The following PIK3C2G variants were observed in gnomAD, a reference collection of about 807,000 sequenced individuals.
The protein encoded by PIK3C2G is phosphatidylinositol 3-kinase C2 domain-containing subunit gamma.
PIK3C2G carries 168 observed loss-of-function variants against 181.1 expected under a neutral mutation model. The observed-to-expected ratio is 0.93, with a 90% CI of 0.82 to 1.05. The LOEUF is 1.05. Among genes scored for constraint, PIK3C2G ranks in the 50% least tolerant of loss-of-function variants. The pLI is 0.00. For missense variants in PIK3C2G, 1,869 were observed against 1,732.8 expected, an observed-to-expected ratio of 1.08 and a Z score of -1.40; for synonymous variants, 573 against 592.2, an observed-to-expected ratio of 0.97 and a Z score of 0.47.
At chr12:18,440,716 GA>G (rs1946702893) in intron 18 of PIK3C2G, among the ~76,000 whole-genome samples, 1 of 151,974 alleles carries the variant, frequency 6.6e-6, no homozygotes, top group African/African-American at 2.4e-5. Flanking sequence ...GTTACAGGGG[GA>G]AAGAGTAGGG....
chr12:18,711,283 G>A, the PIK3C2G span, among the ~76,000 whole-genome samples: 6 of 146,770 alleles, frequency 4.1e-5, no homozygotes, highest in African/African-American at 1.3e-4. Context: ...CTATCGCAAG[G>A]ACAAAAAACC....
At chr12:18,626,498 C>T (rs1181563041) in intron 31 of PIK3C2G, among the ~76,000 whole-genome samples, 2 of 151,906 alleles carry the variant, frequency 1.3e-5, no homozygotes, top group African/African-American at 2.4e-5. Flanking sequence ...ATTATTTATA[C>T]CATTAGATTT....
At chr12:18,274,891 T>C (rs1948916654) in intron 1 of PIK3C2G, among the ~76,000 whole-genome samples, 1 of 152,218 alleles carries the variant, frequency 6.6e-6, no homozygotes, top group Admixed American at 6.5e-5. Context: ...CAGATAGCCA[T>C]ATTAAACTGT....
At chr12:18,690,791 G>A in the PIK3C2G span, among the ~76,000 whole-genome samples, 12 of 152,204 alleles carry the variant, frequency 7.9e-5, 1 homozygote, top group African/African-American at 2.6e-4. Flanking sequence ...AAGAGCCTAC[G>A]CAATTCGTGG....
At chr12:18,499,080 A>G (rs1214854114) in intron 22 of PIK3C2G, among the ~76,000 whole-genome samples, 1 of 152,206 alleles carries the variant, frequency 6.6e-6, no homozygotes, top group African/African-American at 2.4e-5. Flanking sequence ...TCTCATTTCT[A>G]TTTATAATCA....
chr12:18,406,601 G>A (rs974690958), intron 16 of PIK3C2G, among the ~76,000 whole-genome samples: 2 of 152,120 alleles, frequency 1.3e-5, no homozygotes, highest in African/African-American at 4.8e-5. Flanking sequence ...AGCTTCCAGC[G>A]TGCTTACAAG....
At chr12:18,520,963 CTGTT>C (rs541915581) in intron 24 of PIK3C2G, among the ~76,000 whole-genome samples, 94 of 152,098 alleles carry the variant, frequency 6.2e-4, no homozygotes, top group African/African-American at 2.0e-3. Flanking sequence ...TTGTTGCATT[CTGTT>C]TGTTTGTTTT....
At chr12:18,496,204 G>C in intron 21 of PIK3C2G, 50 bp downstream of exon 21, 1 of 1,032,150 alleles carries the variant, frequency 9.7e-7, no homozygotes, top group Non-Finnish European at 1.4e-6. Flanking sequence ...CAGAACTATC[G>C]ATTTATTACT....
chr12:18,680,958 G>C, the PIK3C2G span, among the ~76,000 whole-genome samples: 1 of 152,050 alleles, frequency 6.6e-6, no homozygotes, highest in African/African-American at 2.4e-5. Context: ...TAAATTAATA[G>C]TCATTTATGT....
chr12:18,655,433 G>T, the PIK3C2G span, among the ~76,000 whole-genome samples: 1 of 152,160 alleles, frequency 6.6e-6, no homozygotes, highest in African/African-American at 2.4e-5. Context: ...TAGGGAGAAA[G>T]AAACAAAATC....
the PIK3C2G span, among the ~76,000 whole-genome samples, chr12:18,674,612 C>G: frequency 6.6e-6 from 1 of 152,186 alleles, no homozygotes; most frequent in South Asian, 2.1e-4. Flanking sequence ...CCTACATTTT[C>G]TTGCTGTCAT....
intron 7 of PIK3C2G, among the ~76,000 whole-genome samples, chr12:18,324,230 A>AC (rs1565598702): frequency 3.3e-5 from 5 of 151,704 alleles, no homozygotes; most frequent in African/African-American, 9.7e-5. Context: ...AAAAAAAAAA[A>AC]CCACTGCCAT....
At chr12:18,699,306 C>T in the PIK3C2G span, among the ~76,000 whole-genome samples, 1 of 152,188 alleles carries the variant, frequency 6.6e-6, no homozygotes, top group Non-Finnish European at 1.5e-5. Context: ...TTCATCCTGT[C>T]TCCACTCTCA....
chr12:18,675,425 T>C, the PIK3C2G span, among the ~76,000 whole-genome samples: 1 of 152,308 alleles, frequency 6.6e-6, no homozygotes, highest in Non-Finnish European at 1.5e-5. Flanking sequence ...CTGGTGGGAA[T>C]GTAAATTAGT....
rs3055216 is a variant in PIK3C2G at position 18,615,330 on chromosome 12, G to GGTGTGTGTGT, written c.4182+5732_4182+5741dup. 5.4e-3 allele frequency among the ~76,000 whole-genome samples: 748 copies of GGTGTGTGTGT among 138,190 alleles called. 10 individuals carry two copies. The highest frequency in any genetic ancestry group is 0.018 in the African/African-American group (664 of 36,130). The allele number at this position is 138,190 out of a possible 152,430, so 90.7% of individuals were successfully genotyped here. On this transcript the variant is annotated intron_variant, in intron 31 of 32. Transcript: ENST00000538779. ...TTTTTATGGCTGAGTAGTATTCCAC[G>GGTGTGTGTGT]GTGTGTGTGTGTGTGTGTGTGTGTG...
chr12:18,688,126 A>T, the PIK3C2G span: 1 of 1,611,770 alleles, frequency 6.2e-7, no homozygotes, highest in Admixed American at 1.7e-5. Flanking sequence ...GCTTCATTTG[A>T]TCATTTGGAA....
intron 18 of PIK3C2G, among the ~76,000 whole-genome samples, chr12:18,425,326 GT>G (rs1945734663): frequency 7.1e-6 from 1 of 140,914 alleles, no homozygotes; most frequent in South Asian, 2.3e-4. Flanking sequence ...TTTGTTTTGT[GT>G]TTTTGAAGTA....
At chr12:18,275,997 A>G (rs1948970163) in intron 1 of PIK3C2G, among the ~76,000 whole-genome samples, 1 of 152,206 alleles carries the variant, frequency 6.6e-6, no homozygotes, top group Non-Finnish European at 1.5e-5. Context: ...CTAAAAGAAC[A>G]CTCAGTAAAA....
chr12:18,500,099 C>T lies in PIK3C2G; in HGVS notation c.3016+2351C>T, dbSNP rs556532667. On this transcript the variant is annotated intron_variant, in intron 22 of 32. Coordinates refer to ENST00000538779, the MANE Select transcript of PIK3C2G (RefSeq NM_001288772.2). ...TGCTGTGTGGGAGCCCCTTTCTGGG[C>T]TGGCCAAGGCCGGAGCTGGCTCCCT... Among the ~76,000 whole-genome samples the T allele has an allele frequency of 1.5e-3, 234 of 152,322 alleles. 1 individual carries two copies. Among genetic ancestry groups the T allele is most frequent in the African/African-American group, 5.4e-3 (223 of 41,600 alleles).
Sources: gnomAD v4.1 joint callset for allele counts (sites outside exome capture counted in the v4.1 genomes callset) on GRCh38, gnomAD v4.1.1 for gene constraint, MANE v1.5 for transcripts, NCBI Gene and HGNC (gene_info 2026-07-23, HGNC 2026-07-21) for gene names.